The following SCGB3A1 variants were observed in gnomAD, a reference collection of about 807,000 sequenced individuals.
SCGB3A1 encodes the protein secretoglobin family 3A member 1.
SCGB3A1 carries 7 observed loss-of-function variants against 7.6 expected under a neutral mutation model. The ratio of observed to expected loss-of-function variants is 0.93; its 90% confidence interval spans 0.53 to 1.74. The LOEUF is 1.74. SCGB3A1 is among the 40% of genes most tolerant of loss of function. The probability of loss-of-function intolerance (pLI) is 0.00; values close to 1 mark genes in which losing one functional copy is unlikely to be tolerated. For synonymous variants in SCGB3A1, 67 were observed against 66.6 expected (o/e 1.01, Z -0.03); for missense variants, 119 against 129.0 (o/e 0.92, Z 0.38).
Position 180,590,631 on chromosome 5 carries a change from A to G in SCGB3A1, c.260T>C (p.Val87Ala). 1 of 1,602,450 alleles carries G rather than the reference A, an allele frequency of 6.2e-7. No individual in the cohort carries two copies. Among genetic ancestry groups the G allele is most frequent in the Non-Finnish European group, 8.5e-7 (1 of 1,174,854 alleles). The change falls in exon 2 of 3, where the codon GTG becomes GCG. Residue 87 changes from valine (V) to alanine (A), a missense_variant. Val to Ala is a moderately conservative substitution (Grantham distance 64). Transcript: ENST00000292641. ...KCVAELGPQA[V>A]GAVKALKALL... The stretch of plus-strand genomic sequence containing the variant: ...GGCCTTCAGGGCCTTCACGGCCCCC[A>G]CGGCCTGGGGACCCAGCTCAGCCAC...
chr5:180,590,357 T>C (rs1330029962), intron 2 of SCGB3A1, 103 bp from the exon 3 acceptor site: 4 of 1,467,414 alleles, frequency 2.7e-6, no homozygotes, highest in African/African-American at 1.4e-5. Context: ...AGCGGGGCGG[T>C]TCCGCTGGCG....
chr5:180,591,351 G>A (rs898684621), intron 1 of SCGB3A1, 60 bp downstream of exon 1: 81 of 1,158,562 alleles, frequency 7.0e-5, no homozygotes, highest in South Asian at 3.5e-4. Context: ...AGCGGCGGGG[G>A]CGCAGCGGGC....
At chr5:180,591,080 C>G (rs981384271) in intron 1 of SCGB3A1, 3 of 503,440 alleles carry the variant, frequency 6.0e-6, no homozygotes, top group Non-Finnish European at 1.0e-5. Context: ...GGCGGAAGGA[C>G]CGGTGAACTC....
At chr5:180,590,318 C>T (rs1186260484) in intron 2 of SCGB3A1, 64 bp from the exon 3 acceptor site, 26 of 1,545,222 alleles carry the variant, frequency 1.7e-5, no homozygotes, top group Non-Finnish European at 2.2e-5. Context: ...GGCGGGGGCG[C>T]GGCAGCGGCC....
intron 1 of SCGB3A1, chr5:180,591,081 C>G (rs1376739558): frequency 2.0e-6 from 1 of 502,770 alleles, no homozygotes; most frequent in Non-Finnish European, 3.4e-6. Flanking sequence ...GCGGAAGGAC[C>G]GGTGAACTCT....
chr5:180,590,350 G>C (rs1404455608), intron 2 of SCGB3A1, 96 bp from the exon 3 acceptor site: 1 of 1,494,456 alleles, frequency 6.7e-7, no homozygotes, highest in Non-Finnish European at 9.1e-7. Flanking sequence ...GAGCGGGAGC[G>C]GGGCGGTTCC....
intron 2 of SCGB3A1, 127 bp from the exon 3 acceptor site, chr5:180,590,381 CG>C: frequency 7.7e-7 from 1 of 1,296,610 alleles, no homozygotes; most frequent in Non-Finnish European, 1.1e-6. Context: ...CCGGGGGACG[CG>C]CACCCGCGCG....
At chr5:180,590,912 C>G (rs936573372) in intron 1 of SCGB3A1, 74 bp from the exon 2 acceptor site, 2 of 1,139,846 alleles carry the variant, frequency 1.8e-6, no homozygotes, top group African/African-American at 3.2e-5. Flanking sequence ...CGCGCCCCCG[C>G]GGGAGGCGCC....
At chr5:180,591,024 G>A (rs550508085) in intron 1 of SCGB3A1, 186 bp from the exon 2 acceptor site, 186 of 534,856 alleles carry the variant, frequency 3.5e-4, no homozygotes, top group African/African-American at 3.4e-3. Context: ...CTGGGGAGGC[G>A]GCCCCGCCAG....
At position 180,591,375 on chromosome 5, in the gene SCGB3A1, G is replaced by C. The variant is rs1761313106; in HGVS notation, c.52+36C>G. ...GGCGCAGCGGGCGCCGAGGCCTCAG[G>C]CCCCACCGTGCGCGCCAGGAGCCCG... On this transcript the variant is annotated intron_variant, in intron 1 of 2. Transcript: ENST00000292641. 11 of 1,217,640 alleles carry C rather than the reference G, an allele frequency of 9.0e-6. No individual in the cohort carries two copies. In the African/African-American group the frequency reaches 1.3e-4, roughly 14 times the overall value. 75.4% of individuals were successfully genotyped at this position (1,217,640 alleles called of 1,614,324 possible). A position where few individuals can be genotyped will look rare whatever the true frequency, so the allele number is the denominator to read the frequency against.
At chr5:180,591,159 G>A in intron 1 of SCGB3A1, 2 of 408,110 alleles carry the variant, frequency 4.9e-6, no homozygotes, top group Non-Finnish European at 4.3e-6. Flanking sequence ...ATGAGGAGCC[G>A]GTCTCCAGAC....
In SCGB3A1 at chr5:180,590,374, G is replaced by T. The variant is rs1025042654; in HGVS notation, c.292-120C>A. On this transcript the variant is annotated intron_variant, in intron 2 of 2. Transcript: ENST00000292641. ...CGGGGCGGTTCCGCTGGCGTCTCCG[G>T]GGGACGCGCACCCGCGCGGGGCCAT... 9.6e-6 allele frequency: 13 copies of T among 1,360,294 alleles called. No individual in the cohort carries two copies. In the African/African-American group the frequency reaches 1.2e-4, roughly 12 times the overall value. 84.3% of individuals were successfully genotyped at this position (1,360,294 alleles called of 1,614,324 possible).
rs1761295307 is a variant in SCGB3A1 at position 180,590,633 on chromosome 5, G to A, written c.258C>T (p.Ala86=). 1 of 1,602,244 alleles carries A rather than the reference G, an allele frequency of 6.2e-7. No homozygotes were observed. Among genetic ancestry groups the A allele is most frequent in the East Asian group, 2.3e-5 (1 of 44,224 alleles). ...CCTTCAGGGCCTTCACGGCCCCCACGGCCTGGGGACCCAGCTCAGCCACAC... is the reference window on the plus strand; with the variant it reads ...CCTTCAGGGCCTTCACGGCCCCCACAGCCTGGGGACCCAGCTCAGCCACAC... ...QKCVAELGPQ[A]VGAVKALKAL... The change falls in exon 2 of 3, where the codon GCC becomes GCT. Residue 86 remains alanine, a synonymous_variant. Coordinates refer to ENST00000292641, the MANE Select transcript of SCGB3A1 (RefSeq NM_052863.3).
chr5:180,591,353 G>T (rs377173512), intron 1 of SCGB3A1, 58 bp downstream of exon 1: 3 of 1,168,518 alleles, frequency 2.6e-6, no homozygotes, highest in Admixed American at 4.3e-5. Flanking sequence ...CGGCGGGGGC[G>T]CAGCGGGCGC....
intron 1 of SCGB3A1, chr5:180,591,077 G>A: frequency 2.0e-6 from 1 of 505,426 alleles, no homozygotes; most frequent in Non-Finnish European, 3.4e-6. Flanking sequence ...GGTGGCGGAA[G>A]GACCGGTGAA....
intron 1 of SCGB3A1, 26 bp from the exon 2 acceptor site, chr5:180,590,864 C>T (rs753145638): frequency 2.9e-5 from 45 of 1,558,420 alleles, no homozygotes; most frequent in Middle Eastern, 3.5e-4. Context: ...GAGGGGTCAC[C>T]GCCTGCGCGC....
Position 180,590,844 on chromosome 5 carries a change from A to G in SCGB3A1, c.53-6T>C, listed in dbSNP as rs1184451081. ...GCCCACTAAGAAAGCAGCAGCTGCAAGCGAACAGGGAGGGGTCACCGCCTG... is the reference window on the plus strand; with the variant it reads ...GCCCACTAAGAAAGCAGCAGCTGCAGGCGAACAGGGAGGGGTCACCGCCTG... On this transcript the variant is annotated splice_polypyrimidine_tract_variant and splice_region_variant and intron_variant, in intron 1 of 2. Coordinates refer to ENST00000292641, the MANE Select transcript of SCGB3A1 (RefSeq NM_052863.3). The G allele has an allele frequency of 6.2e-7, 1 of 1,601,040 alleles. No homozygotes were observed. The highest frequency in any genetic ancestry group is 8.5e-7 in the Non-Finnish European group (1 of 1,173,006).
intron 2 of SCGB3A1, 73 bp downstream of exon 2, chr5:180,590,527 C>A: frequency 1.6e-6 from 2 of 1,248,786 alleles, no homozygotes; most frequent in Non-Finnish European, 2.3e-6. Context: ...GGCCGGGACA[C>A]CTCTGGTGCA....
At position 180,590,912 on chromosome 5, in the gene SCGB3A1, C is replaced by T. The variant is rs936573372; in HGVS notation, c.53-74G>A. The T allele has an allele frequency of 1.4e-5, 16 of 1,139,850 alleles. No individual in the cohort carries two copies. The African/African-American group carries it at 2.1e-4, about 15-fold the overall frequency. The allele number at this position is 1,139,850 out of a possible 1,614,324, so 70.6% of individuals were successfully genotyped here. On this transcript the variant is annotated intron_variant, in intron 1 of 2. Coordinates refer to ENST00000292641, the MANE Select transcript of SCGB3A1 (RefSeq NM_052863.3). ...AAGGCAGGTCCAGGACGCGCCCCCG[C>T]GGGAGGCGCCCAGGAACCGTCGCGC...
Sources: gnomAD v4.1 joint callset for allele counts on GRCh38, gnomAD v4.1.1 for gene constraint, MANE v1.5 for transcripts, NCBI Gene and HGNC (gene_info 2026-07-23, HGNC 2026-07-21) for gene names.